The following SGPP1 variants were observed in gnomAD, a reference collection of about 807,000 sequenced individuals.
SGPP1 encodes sphingosine-1-phosphate phosphatase 1.
A neutral mutation model predicts 33.0 loss-of-function variants in SGPP1; 21 were observed. That is an observed-to-expected ratio of 0.64 (90% CI 0.45 to 0.92). The LOEUF is 0.92. Ranked by LOEUF, SGPP1 falls within the 40% of genes least tolerant of loss-of-function variation. SGPP1 has a pLI of 0.00. For synonymous variants in SGPP1, 239 were observed against 241.2 expected, an observed-to-expected ratio of 0.99 and a Z score of 0.08; for missense variants, 543 against 589.4, an observed-to-expected ratio of 0.92 and a Z score of 0.81.
intron 1 of SGPP1, among the ~76,000 whole-genome samples, chr14:63,708,070 A>G (rs1187455658): frequency 3.3e-5 from 5 of 152,102 alleles, no homozygotes; most frequent in Non-Finnish European, 7.4e-5. Context: ...TATTTTATAA[A>G]AAGTCAGAAC....
chr14:63,691,326 T>A (rs1271297508), intron 2 of SGPP1, among the ~76,000 whole-genome samples: 1 of 152,238 alleles, frequency 6.6e-6, no homozygotes, highest in African/African-American at 2.4e-5. Context: ...ATTTCATAAC[T>A]GAGTTTTGTC....
At chr14:63,694,512 C>G (rs933195170) in intron 2 of SGPP1, among the ~76,000 whole-genome samples, 1 of 151,994 alleles carries the variant, frequency 6.6e-6, no homozygotes, top group Non-Finnish European at 1.5e-5. Flanking sequence ...TAGATTGCTA[C>G]GAAACTAGAC....
chr14:63,727,931 T>C lies in SGPP1; in HGVS notation c.14A>G (p.Gln5Arg), dbSNP rs1885926858. Residue 5 changes from glutamine (Q) to arginine (R), a missense_variant, in exon 1 of 3, where the codon CAG (glutamine) becomes CGG (arginine). By Grantham distance (43) the Gln-to-Arg change is conservative. Transcript: ENST00000247225. ...ACGGCCAACCAGCTGGGCCAGGCGC[T>C]GCCTCAGCGACATGATAACGGAACC... is the stretch of plus-strand genomic sequence containing the variant. Reference protein sequence around the residue: MSLRQRLAQLVGRLQ... With the variant: MSLRRRLAQLVGRLQ... 1.3e-6 allele frequency: 2 copies of C among 1,544,990 alleles called. No individual in the cohort carries two copies. The highest frequency in any genetic ancestry group is 1.7e-6 in the Non-Finnish European group (2 of 1,154,934).
chr14:63,721,638 T>C (rs1317599248), intron 1 of SGPP1, among the ~76,000 whole-genome samples: 1 of 152,216 alleles, frequency 6.6e-6, no homozygotes, highest in South Asian at 2.1e-4. Context: ...TACTGTGACC[T>C]ACTTTTGTAA....
rs1391097242 is a variant in SGPP1 at position 63,686,226 on chromosome 14, A to C, written c.1205T>G (p.Ile402Ser). ...CKIFNIPCDD[I>S]RKARQHMEVE... The stretch of plus-strand genomic sequence containing the variant: ...TTCCATGTGCTGTCTTGCTTTTCGA[A>C]TATCATCACACGGTATATTGAAGAT... The change falls in exon 3 of 3, where the codon ATT (isoleucine) becomes AGT (serine). Residue 402 changes from isoleucine to serine, a missense_variant. Transcript: ENST00000247225. 1 of 1,614,192 alleles carries C rather than the reference A, an allele frequency of 6.2e-7. No homozygotes were observed. The highest frequency in any genetic ancestry group is 8.5e-7 in the Non-Finnish European group (1 of 1,180,006).
At position 63,698,676 on chromosome 14, in the gene SGPP1, T is replaced by C. The variant is rs770484173; in HGVS notation, c.685-18A>G. On this transcript the variant is annotated intron_variant, in intron 1 of 2. Transcript: ENST00000247225. ...AGAGGGTACTAAAGGGGAAAAAAAG[T>C]AAAATTAGTTAAACAAATTTAAGTT... 3.4e-5 allele frequency: 46 copies of C among 1,342,258 alleles called. No individual in the cohort carries two copies. Among genetic ancestry groups the C allele is most frequent in the Non-Finnish European group, 4.5e-5 (43 of 962,644 alleles). 83.1% of individuals were successfully genotyped at this position (1,342,258 alleles called of 1,614,324 possible).
chr14:63,714,969 T>C (rs1329109371), intron 1 of SGPP1, among the ~76,000 whole-genome samples: 3 of 151,698 alleles, frequency 2.0e-5, no homozygotes, highest in African/African-American at 7.3e-5. Flanking sequence ...GAGATCCTCC[T>C]GCCTCAGCCT....
intron 1 of SGPP1, among the ~76,000 whole-genome samples, chr14:63,711,891 G>A (rs550847246): frequency 7.9e-5 from 12 of 152,108 alleles, no homozygotes; most frequent in Admixed American, 3.3e-4. Flanking sequence ...TTAGCTAGGC[G>A]TGGTGGTAGG....
At chr14:63,719,001 TATATATATA>T (rs1566536674) in intron 1 of SGPP1, among the ~76,000 whole-genome samples, 6 of 25,962 alleles carry the variant, frequency 2.3e-4, no homozygotes, top group African/African-American at 9.6e-4. Context: ...TATATATATA[TATATATATA>T]TATATTTTTT....
chr14:63,706,857 A>T (rs1410364143), intron 1 of SGPP1, among the ~76,000 whole-genome samples: 5 of 152,094 alleles, frequency 3.3e-5, no homozygotes, highest in African/African-American at 1.2e-4. Context: ...AGCCTGGCTA[A>T]TGTGGCGAAA....
intron 1 of SGPP1, among the ~76,000 whole-genome samples, chr14:63,719,003 T>TAC (rs1885703571): frequency 1.1e-4 from 3 of 27,024 alleles, no homozygotes; most frequent in African/African-American, 2.0e-4. Flanking sequence ...TATATATATA[T>TAC]ATATATATAT....
rs1006272385 is a variant in SGPP1 at position 63,727,607 on chromosome 14, A to T, written c.338T>A (p.Leu113Gln). ...RRAGALRRNS[L>Q]TGEEGQLARV... is the part of the protein sequence containing the mutation. ...GGCCAGCTGGCCCTCCTCGCCCGTC[A>T]GCGAGTTGCGGCGCAGAGCGCCCGC... Residue 113 changes from leucine to glutamine, a missense_variant, in exon 1 of 3, where the codon CTG becomes CAG. Leu to Gln is a moderately radical substitution (Grantham distance 113). Coordinates refer to ENST00000247225, the MANE Select transcript of SGPP1 (RefSeq NM_030791.4). 2.6e-6 allele frequency: 4 copies of T among 1,533,404 alleles called. No individual in the cohort carries two copies. The highest frequency in any genetic ancestry group is 3.5e-6 in the Non-Finnish European group (4 of 1,146,078). The allele number at this position is 1,533,404 out of a possible 1,614,324, so 95.0% of individuals were successfully genotyped here. A position where few individuals can be genotyped will look rare whatever the true frequency, so the allele number is the denominator to read the frequency against.
At chr14:63,701,442 T>C (rs893929354) in intron 1 of SGPP1, among the ~76,000 whole-genome samples, 3 of 151,994 alleles carry the variant, frequency 2.0e-5, no homozygotes, top group African/African-American at 7.2e-5. Context: ...TAGAAGATAG[T>C]GTAGGCTTTA....
chr14:63,686,083 T>G lies in SGPP1; in HGVS notation c.*22A>C, dbSNP rs746243832. ...ATCAGTAACTGATACCCTCCTTTCT[T>G]ATCATAAACAATACTTCTCCATCAA... is the stretch of plus-strand genomic sequence containing the variant. On this transcript the variant is annotated 3_prime_UTR_variant, in exon 3 of 3. Transcript: ENST00000247225. 4 of 1,459,684 alleles carry G rather than the reference T, an allele frequency of 2.7e-6. No homozygotes were observed. In the South Asian group the frequency reaches 5.5e-5, roughly 20 times the overall value. The allele number at this position is 1,459,684 out of a possible 1,614,324, so 90.4% of individuals were successfully genotyped here.
At chr14:63,717,828 A>C (rs1287839283) in intron 1 of SGPP1, among the ~76,000 whole-genome samples, 1 of 152,220 alleles carries the variant, frequency 6.6e-6, no homozygotes, top group African/African-American at 2.4e-5. Flanking sequence ...AAAAAGAGAA[A>C]ATTTTAAAAC....
chr14:63,710,102 AGT>A (rs1566822766), intron 1 of SGPP1, among the ~76,000 whole-genome samples: 1 of 152,240 alleles, frequency 6.6e-6, no homozygotes, highest in African/African-American at 2.4e-5. Flanking sequence ...AGGAATGAAT[AGT>A]GTACATGTAA....
At chr14:63,706,508 C>T (rs188296693) in intron 1 of SGPP1, among the ~76,000 whole-genome samples, 75 of 152,278 alleles carry the variant, frequency 4.9e-4, no homozygotes, top group African/African-American at 1.8e-3. Context: ...TTATTACCTG[C>T]TGTAAGCCAC....
chr14:63,701,939 C>CAAA (rs1885307730), intron 1 of SGPP1, among the ~76,000 whole-genome samples: 1 of 129,612 alleles, frequency 7.7e-6, no homozygotes, highest in African/African-American at 3.3e-5. Context: ...AAAAAAGAAC[C>CAAA]AAAAGAAGTA....
intron 1 of SGPP1, among the ~76,000 whole-genome samples, chr14:63,719,834 G>A (rs932705156): frequency 6.6e-6 from 1 of 151,122 alleles, no homozygotes. Flanking sequence ...AAAAAAGAAG[G>A]CCAGGCACGG....
Sources: gnomAD v4.1 joint callset for allele counts (sites outside exome capture counted in the v4.1 genomes callset) on GRCh38, gnomAD v4.1.1 for gene constraint, MANE v1.5 for transcripts, NCBI Gene and HGNC (gene_info 2026-07-23, HGNC 2026-07-21) for gene names.